Variants in CSMD1 observed in about 807,000 individuals in gnomAD.
The protein encoded by CSMD1 is CUB and sushi domain-containing protein 1.
CSMD1 carries 213 observed loss-of-function variants against 417.5 expected under a neutral mutation model. That is an observed-to-expected ratio of 0.51 (90% confidence interval 0.46 to 0.57). CSMD1 has a LOEUF of 0.57. Among genes scored for constraint, CSMD1 ranks in the 20% least tolerant of loss-of-function variants. CSMD1 has a pLI of 0.00. For synonymous variants in CSMD1, 2,862 were observed against 1,736.8 expected, an observed-to-expected ratio of 1.65 and a Z score of -16.11; for missense variants, 6,923 against 4,529.7, an observed-to-expected ratio of 1.53 and a Z score of -15.17.
At chr8:4,430,906 G>C (rs1797836551) in intron 2 of CSMD1, among the ~76,000 whole-genome samples, 1 of 152,096 alleles carries the variant, frequency 6.6e-6, no homozygotes, top group South Asian at 2.1e-4. Context: ...GAATGGTAAG[G>C]ATCCATAAAT....
chr8:4,956,964 G>A (rs1809157868), intron 1 of CSMD1, among the ~76,000 whole-genome samples: 1 of 152,212 alleles, frequency 6.6e-6, no homozygotes, highest in Non-Finnish European at 1.5e-5. Flanking sequence ...TATTTGGGAA[G>A]CCTAACCATG....
At chr8:3,110,705 C>CT (rs1454049352) in intron 42 of CSMD1, among the ~76,000 whole-genome samples, 11 of 152,190 alleles carry the variant, frequency 7.2e-5, no homozygotes, top group Admixed American at 7.2e-4. Flanking sequence ...TATGTAACTG[C>CT]TTTTTCTAAC....
At chr8:3,108,788 AC>A in intron 43 of CSMD1, 40 bp from the exon 44 acceptor site, 1 of 1,564,596 alleles carries the variant, frequency 6.4e-7, no homozygotes, top group Non-Finnish European at 8.7e-7. Flanking sequence ...AAGGATATTT[AC>A]TTCTGAGTGA....
chr8:4,262,563 C>T (rs1803961628), intron 3 of CSMD1, among the ~76,000 whole-genome samples: 1 of 152,116 alleles, frequency 6.6e-6, no homozygotes, highest in Non-Finnish European at 1.5e-5. Context: ...ATGCTCGGGA[C>T]ACACACGGAG....
intron 5 of CSMD1, among the ~76,000 whole-genome samples, chr8:3,801,582 A>C (rs1156606453): frequency 6.6e-6 from 1 of 152,142 alleles, no homozygotes; most frequent in Non-Finnish European, 1.5e-5. Flanking sequence ...AATGGTTAAA[A>C]TTACTGTTAC....
intron 5 of CSMD1, among the ~76,000 whole-genome samples, chr8:3,902,636 C>T (rs531697405): frequency 6.6e-6 from 1 of 152,100 alleles, no homozygotes; most frequent in Non-Finnish European, 1.5e-5. Context: ...AGGCAGAGCT[C>T]AGGGGTAATT....
At chr8:4,797,668 G>A (rs1269114872) in intron 1 of CSMD1, among the ~76,000 whole-genome samples, 1 of 152,162 alleles carries the variant, frequency 6.6e-6, no homozygotes, top group Non-Finnish European at 1.5e-5. Context: ...ATTATCTGAA[G>A]CTAATAGGAA....
chr8:3,681,275 T>C (rs568877553), intron 7 of CSMD1, among the ~76,000 whole-genome samples: 4 of 152,322 alleles, frequency 2.6e-5, no homozygotes, highest in Admixed American at 2.6e-4. Context: ...GACATGATTG[T>C]ATATTTAGAA....
chr8:4,033,223 G>A (rs1029615969), intron 3 of CSMD1, among the ~76,000 whole-genome samples: 5 of 150,998 alleles, frequency 3.3e-5, no homozygotes, highest in Non-Finnish European at 5.9e-5. Flanking sequence ...GGAGGATCGT[G>A]AGGTCAAGAG....
At chr8:3,952,271 G>A (rs1006495828) in intron 5 of CSMD1, among the ~76,000 whole-genome samples, 2 of 152,154 alleles carry the variant, frequency 1.3e-5, no homozygotes, top group Non-Finnish European at 1.5e-5. Flanking sequence ...TGAGCACACA[G>A]TAAATACTTC....
At chr8:4,480,057 G>C (rs1252833350) in intron 2 of CSMD1, among the ~76,000 whole-genome samples, 1 of 151,818 alleles carries the variant, frequency 6.6e-6, no homozygotes, top group African/African-American at 2.4e-5. Flanking sequence ...GAATGTGGTC[G>C]TGAGTTCTGT....
At chr8:3,110,950 A>T (rs1036542044) in intron 42 of CSMD1, among the ~76,000 whole-genome samples, 1 of 152,206 alleles carries the variant, frequency 6.6e-6, no homozygotes, top group Non-Finnish European at 1.5e-5. Flanking sequence ...TAAGAAATTT[A>T]TATTTATTAT....
chr8:3,308,732 G>GTGTTTTTTTTTTTTTTTTTTTTT (rs1805090018), intron 23 of CSMD1, among the ~76,000 whole-genome samples: 1 of 108,930 alleles, frequency 9.2e-6, no homozygotes, highest in African/African-American at 3.6e-5. Context: ...CTACTTACAA[G>GTGTTTTTTTTTTTTTTTTTTTTT]TTTTTTTTTT....
intron 25 of CSMD1, among the ~76,000 whole-genome samples, chr8:3,305,742 C>G (rs559392151): frequency 1.3e-5 from 2 of 152,154 alleles, no homozygotes; most frequent in African/African-American, 4.8e-5. Context: ...TACAGTGGCA[C>G]GATCTCAGCT....
intron 3 of CSMD1, among the ~76,000 whole-genome samples, chr8:4,383,814 T>G (rs948915688): frequency 6.6e-6 from 1 of 152,196 alleles, no homozygotes; most frequent in Non-Finnish European, 1.5e-5. Flanking sequence ...AATACCAAAT[T>G]ATTGTGAAAG....
intron 3 of CSMD1, among the ~76,000 whole-genome samples, chr8:4,387,358 T>C (rs1375574076): frequency 6.6e-6 from 1 of 152,042 alleles, no homozygotes; most frequent in African/African-American, 2.4e-5. Context: ...CACTCAGAAG[T>C]GCAAATTTCT....
At chr8:4,752,965 C>CT (rs1811428850) in intron 1 of CSMD1, among the ~76,000 whole-genome samples, 1 of 152,132 alleles carries the variant, frequency 6.6e-6, no homozygotes, top group Non-Finnish European at 1.5e-5. Flanking sequence ...CAAAGAAAAT[C>CT]ATTACTTTAA....
chr8:3,083,825 A>C (rs898239091), intron 49 of CSMD1, among the ~76,000 whole-genome samples: 1 of 151,110 alleles, frequency 6.6e-6, no homozygotes, highest in African/African-American at 2.4e-5. Context: ...ACATCTGGCT[A>C]ATGTTTGTAT....
chr8:3,202,666 G>A (rs1797050740), intron 31 of CSMD1, among the ~76,000 whole-genome samples: 1 of 152,154 alleles, frequency 6.6e-6, no homozygotes, highest in African/African-American at 2.4e-5. Flanking sequence ...ATGGAGGTGT[G>A]TGCACTAGTT....
Sources: allele counts gnomAD v4.1 joint callset (sites outside exome capture counted in the v4.1 genomes callset), GRCh38; gene constraint gnomAD v4.1.1; transcripts MANE v1.5; gene names NCBI Gene and HGNC (gene_info 2026-07-23, HGNC 2026-07-21).